Variants in DYNC1I1 observed in about 807,000 individuals in gnomAD.
DYNC1I1 encodes dynein cytoplasmic 1 intermediate chain 1.
Under a neutral mutation model 86.6 loss-of-function variants are expected in DYNC1I1, and 43 were observed. The ratio of observed to expected loss-of-function variants is 0.50; its 90% CI spans 0.39 to 0.64. DYNC1I1 has a LOEUF of 0.64. Among genes scored for constraint, DYNC1I1 ranks in the 30% least tolerant of loss-of-function variants. The probability of loss-of-function intolerance (pLI) is 0.00; values close to 1 mark genes in which losing one functional copy is unlikely to be tolerated. For missense variants in DYNC1I1, 604 were observed against 788.8 expected, an observed-to-expected ratio of 0.77 and a Z score of 2.81; for synonymous variants, 262 against 283.7, an observed-to-expected ratio of 0.92 and a Z score of 0.77.
chr7:95,978,544 T>C (rs1408288861), intron 7 of DYNC1I1, among the ~76,000 whole-genome samples: 1 of 152,132 alleles, frequency 6.6e-6, no homozygotes, highest in Non-Finnish European at 1.5e-5. Flanking sequence ...ATTAAAAAGG[T>C]TCTTCCATAT....
chr7:95,804,601 C>T (rs1794660410), intron 1 of DYNC1I1, 120 bp from the exon 2 acceptor site: 2 of 1,136,784 alleles, frequency 1.8e-6, no homozygotes, highest in African/African-American at 1.6e-5. Context: ...ATAATACAAC[C>T]TCTTGTTGAT....
At chr7:95,870,752 T>C (rs192151639) in intron 6 of DYNC1I1, among the ~76,000 whole-genome samples, 8 of 152,294 alleles carry the variant, frequency 5.3e-5, no homozygotes, top group African/African-American at 1.9e-4. Flanking sequence ...AATACACTCA[T>C]GAGAGAAGTC....
chr7:96,051,478 C>T (rs1789403277), intron 14 of DYNC1I1, among the ~76,000 whole-genome samples: 1 of 152,152 alleles, frequency 6.6e-6, no homozygotes, highest in African/African-American at 2.4e-5. Context: ...GTGCTGTCAT[C>T]CAAGAACCTT....
At position 96,043,346 on chromosome 7, in the gene DYNC1I1, T is replaced by C. The variant is rs79275471; in HGVS notation, c.1509+3925T>C. ...CTTTGAAGTAGGCTTACACTCAAAA[T>C]TGAATCTGAATCTTATCAATCCTCC... On this transcript the variant is annotated intron_variant, in intron 14 of 16. Coordinates refer to ENST00000447467, the MANE Select transcript of DYNC1I1 (RefSeq NM_001135556.2). Among the ~76,000 whole-genome samples, 799 of 152,218 alleles carry C rather than the reference T, an allele frequency of 5.2e-3. 11 individuals are homozygous for C. The highest frequency in any genetic ancestry group is 0.018 in the African/African-American group (768 of 41,554).
chr7:95,959,880 G>C (rs1027997385), intron 6 of DYNC1I1, among the ~76,000 whole-genome samples: 1 of 152,124 alleles, frequency 6.6e-6, no homozygotes, highest in Non-Finnish European at 1.5e-5. Flanking sequence ...GCATCCCCGA[G>C]CCCAGGAAGT....
chr7:96,019,812 A>AG (rs1292064892), intron 10 of DYNC1I1, among the ~76,000 whole-genome samples: 2 of 152,142 alleles, frequency 1.3e-5, no homozygotes, highest in Non-Finnish European at 1.5e-5. Flanking sequence ...AAATTATTGG[A>AG]GAAAGATTTG....
chr7:96,069,473 T>C (rs1482787075), intron 14 of DYNC1I1, among the ~76,000 whole-genome samples: 2 of 152,206 alleles, frequency 1.3e-5, no homozygotes, highest in Non-Finnish European at 2.9e-5. Context: ...AGTGGAGCCA[T>C]AGGCATTGAA....
chr7:95,996,941 A>G (rs1466315935), intron 10 of DYNC1I1, among the ~76,000 whole-genome samples: 1 of 152,204 alleles, frequency 6.6e-6, no homozygotes, highest in East Asian at 1.9e-4. Context: ...AAACCTGTTG[A>G]TTTTTGGAAG....
chr7:95,970,827 T>G (rs1415215342), intron 6 of DYNC1I1, among the ~76,000 whole-genome samples: 3 of 152,184 alleles, frequency 2.0e-5, no homozygotes, highest in African/African-American at 7.2e-5. Context: ...AGATGTGTTA[T>G]TGTAGAGATA....
At chr7:96,025,213 C>T (rs564267560) in intron 10 of DYNC1I1, among the ~76,000 whole-genome samples, 109 of 152,200 alleles carry the variant, frequency 7.2e-4, no homozygotes, top group African/African-American at 2.4e-3. Flanking sequence ...AATCTTACTA[C>T]GTTAGCATTT....
intron 16 of DYNC1I1, among the ~76,000 whole-genome samples, chr7:96,087,841 A>G (rs944901597): frequency 2.0e-5 from 3 of 152,182 alleles, no homozygotes; most frequent in African/African-American, 7.2e-5. Context: ...CAGATTTGAG[A>G]TGCTAATAAA....
chr7:95,910,946 G>T (rs1270464205), intron 6 of DYNC1I1, among the ~76,000 whole-genome samples: 1 of 152,046 alleles, frequency 6.6e-6, no homozygotes, highest in African/African-American at 2.4e-5. Flanking sequence ...TATTTTTTTG[G>T]ATAATGGTGA....
At chr7:96,056,617 A>G (rs1477953127) in intron 14 of DYNC1I1, among the ~76,000 whole-genome samples, 2 of 152,130 alleles carry the variant, frequency 1.3e-5, no homozygotes, top group Admixed American at 1.3e-4. Context: ...AACATACAGT[A>G]GTGTTTGTAT....
chr7:95,899,598 T>C (rs1168736539), intron 6 of DYNC1I1, among the ~76,000 whole-genome samples: 1 of 152,178 alleles, frequency 6.6e-6, no homozygotes, highest in Non-Finnish European at 1.5e-5. Flanking sequence ...AAAATGGAGA[T>C]GGAGAACAGC....
At chr7:96,101,695 G>A (rs184296977), downstream of DYNC1I1, among the ~76,000 whole-genome samples, 96 of 152,206 alleles carry the variant, frequency 6.3e-4, no homozygotes, top group Non-Finnish European at 1.2e-3. Flanking sequence ...GGGTCATTCC[G>A]TCATTCCTCC....
At chr7:96,025,941 G>C (rs1015245356) in intron 10 of DYNC1I1, among the ~76,000 whole-genome samples, 1 of 151,880 alleles carries the variant, frequency 6.6e-6, no homozygotes, top group Non-Finnish European at 1.5e-5. Context: ...TATCCATATC[G>C]ATTTGAGCTT....
intron 11 of DYNC1I1, among the ~76,000 whole-genome samples, chr7:96,029,149 A>G (rs1794750754): frequency 6.6e-6 from 1 of 152,174 alleles, no homozygotes; most frequent in Non-Finnish European, 1.5e-5. Flanking sequence ...AAGGACTGCC[A>G]GCTGTTTAGC....
At chr7:96,044,402 C>T (rs1272918196) in intron 14 of DYNC1I1, among the ~76,000 whole-genome samples, 1 of 151,604 alleles carries the variant, frequency 6.6e-6, no homozygotes, top group Admixed American at 6.6e-5. Flanking sequence ...AATTACAATA[C>T]GTTAAAGAAT....
chr7:95,830,690 C>T (rs1795301830), intron 5 of DYNC1I1, among the ~76,000 whole-genome samples: 1 of 152,022 alleles, frequency 6.6e-6, no homozygotes, highest in Admixed American at 6.6e-5. Flanking sequence ...TGCACATATG[C>T]TTTCATTTCT....
Sources: gnomAD v4.1 joint callset for allele counts (sites outside exome capture counted in the v4.1 genomes callset) on GRCh38, gnomAD v4.1.1 for gene constraint, MANE v1.5 for transcripts, NCBI Gene and HGNC (gene_info 2026-07-23, HGNC 2026-07-21) for gene names.